PHACTR4: variants seen among roughly 807,000 people sequenced by gnomAD.
PHACTR4 encodes the protein phosphatase and actin regulator 4, also known as protein phosphatase 1, regulatory subunit 124.
A neutral mutation model predicts 72.7 loss-of-function variants in PHACTR4; 51 were observed. The observed-to-expected ratio is 0.70, with a 90% CI of 0.56 to 0.89. The LOEUF is 0.89. Among genes scored for constraint, PHACTR4 ranks in the 40% least tolerant of loss-of-function variants. The pLI, the probability that PHACTR4 is intolerant of heterozygous loss-of-function variation, is 0.00. For missense variants in PHACTR4, 731 were observed against 861.8 expected (o/e 0.85, Z 1.90); for synonymous variants, 255 against 302.5 (o/e 0.84, Z 1.63).
At chr1:28,378,216 A>AAAAAAAAAAT (rs1651848602) in intron 1 of PHACTR4, among the ~76,000 whole-genome samples, 1 of 120,600 alleles carries the variant, frequency 8.3e-6, no homozygotes, top group African/African-American at 3.1e-5. Context: ...AAAAAAAAAA[A>AAAAAAAAAAT]TTTGGCCAGG....
At chr1:28,441,283 G>A (rs192405139) in intron 2 of PHACTR4, among the ~76,000 whole-genome samples, 25 of 149,622 alleles carry the variant, frequency 1.7e-4, no homozygotes, top group Admixed American at 6.1e-4. Flanking sequence ...TCTCACTGTC[G>A]TGACCAGGCT....
intron 1 of PHACTR4, among the ~76,000 whole-genome samples, chr1:28,382,795 ATTAAT>A (rs1421202328): frequency 6.6e-6 from 1 of 151,594 alleles, no homozygotes; most frequent in Non-Finnish European, 1.5e-5. Context: ...GTTTATTATT[ATTAAT>A]TTATTTATTT....
intron 2 of PHACTR4, among the ~76,000 whole-genome samples, chr1:28,434,644 A>T (rs1481815750): frequency 3.3e-5 from 5 of 152,078 alleles, no homozygotes; most frequent in African/African-American, 9.7e-5. Context: ...AGTTTTATTG[A>T]CACTCTCACA....
intron 13 of PHACTR4, among the ~76,000 whole-genome samples, chr1:28,495,367 C>T (rs1018707763): frequency 4.6e-5 from 7 of 151,906 alleles, no homozygotes; most frequent in Admixed American, 1.3e-4. Context: ...CTTGGCCTCC[C>T]GAAGTGTTGG....
At chr1:28,413,605 TTTC>T (rs1654916723) in intron 2 of PHACTR4, among the ~76,000 whole-genome samples, 1 of 152,192 alleles carries the variant, frequency 6.6e-6, no homozygotes, top group African/African-American at 2.4e-5. Context: ...TTATTAAATT[TTTC>T]TTTTCTACTA....
intron 2 of PHACTR4, among the ~76,000 whole-genome samples, chr1:28,413,343 T>C (rs768308189): frequency 6.6e-6 from 1 of 152,194 alleles, no homozygotes; most frequent in Non-Finnish European, 1.5e-5. Context: ...ATTGCTCCAG[T>C]CTGTGTACAG....
At position 28,473,732 on chromosome 1, in the gene PHACTR4, A is replaced by G. The variant is rs757623206; in HGVS notation, c.1002A>G (p.Leu334=). 1 of 1,613,992 alleles carries G rather than the reference A, an allele frequency of 6.2e-7. No homozygotes were observed. Among genetic ancestry groups the G allele is most frequent in the African/African-American group, 1.3e-5 (1 of 74,894 alleles). The change falls in exon 7 of 14, where the codon CTA becomes CTG. Residue 334 remains leucine (L), a synonymous_variant. Transcript: ENST00000373839. ...EKSTCSMGSE[L]LPMISPRSPS... is the part of the protein sequence containing the mutation. ...GCACGTGTTCTATGGGCTCGGAACT[A>G]CTACCAATGATCTCACCTCGCTCTC...
At chr1:28,378,580 C>CCT (rs1553181675) in intron 1 of PHACTR4, among the ~76,000 whole-genome samples, 17 of 63,586 alleles carry the variant, frequency 2.7e-4, no homozygotes, top group East Asian at 3.3e-4. Context: ...CCCCCCCCCC[C>CCT]TTTTTTTTTA....
At chr1:28,494,731 T>G (rs1201094493) in intron 13 of PHACTR4, among the ~76,000 whole-genome samples, 2 of 152,174 alleles carry the variant, frequency 1.3e-5, no homozygotes, top group Non-Finnish European at 2.9e-5. Flanking sequence ...TAACAGAAAA[T>G]GTAGCTGGAT....
At chr1:28,456,544 G>A (rs1658398217) in intron 2 of PHACTR4, among the ~76,000 whole-genome samples, 1 of 152,032 alleles carries the variant, frequency 6.6e-6, no homozygotes, top group Non-Finnish European at 1.5e-5. Flanking sequence ...GCTCATTGCA[G>A]CCTGGACCTG....
intron 1 of PHACTR4, among the ~76,000 whole-genome samples, chr1:28,371,563 G>A (rs1043913418): frequency 6.6e-6 from 1 of 152,028 alleles, no homozygotes; most frequent in African/African-American, 2.4e-5. Context: ...CCAAAGTGCT[G>A]GGATTACAAG....
At chr1:28,453,977 A>G in intron 2 of PHACTR4, 2 of 516,458 alleles carry the variant, frequency 3.9e-6, no homozygotes, top group South Asian at 3.3e-5. Flanking sequence ...GCACTTTGGA[A>G]GGCCAAGGTG....
At chr1:28,475,549 C>T (rs1472459673) in intron 7 of PHACTR4, among the ~76,000 whole-genome samples, 4 of 152,062 alleles carry the variant, frequency 2.6e-5, no homozygotes, top group Non-Finnish European at 4.4e-5. Flanking sequence ...GTGAGAATGA[C>T]ATTAGACAAA....
At chr1:28,383,357 A>G (rs1211542962) in intron 1 of PHACTR4, among the ~76,000 whole-genome samples, 1 of 152,016 alleles carries the variant, frequency 6.6e-6, no homozygotes, top group African/African-American at 2.4e-5. Context: ...TATGAATTTT[A>G]AAATAATTTT....
intron 7 of PHACTR4, among the ~76,000 whole-genome samples, chr1:28,475,729 C>CTTTCTTTTTTTT (rs549349952): frequency 2.2e-5 from 3 of 135,288 alleles, no homozygotes; most frequent in African/African-American, 8.8e-5. Flanking sequence ...AGTCCTTTGT[C>CTTTCTTTTTTTT]TTTTTTTTTT....
chr1:28,441,738 T>C (rs1189389213), intron 2 of PHACTR4, among the ~76,000 whole-genome samples: 1 of 152,228 alleles, frequency 6.6e-6, no homozygotes, highest in Non-Finnish European at 1.5e-5. Context: ...TTCGTGTCTA[T>C]AATCCCAGCA....
chr1:28,407,416 T>C lies in PHACTR4; in HGVS notation c.-32T>C, dbSNP rs750622840. On this transcript the variant is annotated 5_prime_UTR_variant, in exon 2 of 14. Coordinates refer to ENST00000373839, the MANE Select transcript of PHACTR4 (RefSeq NM_001048183.3). The stretch of plus-strand genomic sequence containing the variant: ...TACCTTTTTCTCTTTTTAGAAACAG[T>C]ATCTCACCTCCCTAAACTGGTTAAT... 3.2e-6 allele frequency: 5 copies of C among 1,586,360 alleles called. No individual in the cohort carries two copies. The Admixed American group carries it at 8.5e-5, about 27-fold the overall frequency.
At chr1:28,384,685 A>G (rs1308757422) in intron 1 of PHACTR4, among the ~76,000 whole-genome samples, 2 of 152,136 alleles carry the variant, frequency 1.3e-5, no homozygotes, top group Non-Finnish European at 2.9e-5. Flanking sequence ...CCTTGAGGCA[A>G]GGAGTTTCAG....
intron 1 of PHACTR4, among the ~76,000 whole-genome samples, chr1:28,389,393 G>GAA (rs1004476486): frequency 6.8e-6 from 1 of 147,612 alleles, no homozygotes; most frequent in Non-Finnish European, 1.5e-5. Context: ...AAAATTAAAA[G>GAA]AAAAAAAATA....
Sources: gnomAD v4.1 joint callset for allele counts (sites outside exome capture counted in the v4.1 genomes callset) on GRCh38, gnomAD v4.1.1 for gene constraint, MANE v1.5 for transcripts, NCBI Gene and HGNC (gene_info 2026-07-23, HGNC 2026-07-21) for gene names.